Variants in NTN1 observed in about 807,000 individuals in gnomAD.
NTN1 encodes netrin 1, also known as netrin-1.
In NTN1, 11 loss-of-function variants were observed where a neutral mutation model predicts 54.2. That is an observed-to-expected ratio of 0.20 (90% CI 0.13 to 0.34). NTN1 has a LOEUF of 0.34. Ranked by LOEUF, NTN1 falls within the 10% of genes least tolerant of loss-of-function variation. The pLI is 1.00. For synonymous variants in NTN1, 371 were observed against 382.0 expected, an observed-to-expected ratio of 0.97 and a Z score of 0.33; for missense variants, 740 against 893.1, an observed-to-expected ratio of 0.83 and a Z score of 2.18.
chr17:9,096,619 C>T (rs1434108944), intron 2 of NTN1, among the ~76,000 whole-genome samples: 1 of 152,120 alleles, frequency 6.6e-6, no homozygotes, highest in Non-Finnish European at 1.5e-5. Flanking sequence ...GATCCACCCG[C>T]CTCCACTTCC....
chr17:9,021,473 G>C (rs1375985159), upstream of NTN1: 4 of 149,864 alleles, frequency 2.7e-5, no homozygotes, highest in Non-Finnish European at 5.9e-5. Context: ...CCGCCCGGCG[G>C]CCCCGCCCCC....
chr17:9,175,842 G>C (rs891897085), intron 3 of NTN1: 1 of 152,186 alleles, frequency 6.6e-6, no homozygotes, highest in South Asian at 2.1e-4. Context: ...CTTCCGTCTG[G>C]CCTCACCTTT....
chr17:9,091,389 G>A (rs1336280823), intron 2 of NTN1, among the ~76,000 whole-genome samples: 1 of 151,202 alleles, frequency 6.6e-6, no homozygotes, highest in Non-Finnish European at 1.5e-5. Context: ...CCAGTAGCTG[G>A]AACTACAGGC....
intron 2 of NTN1, among the ~76,000 whole-genome samples, chr17:9,096,788 T>C (rs965280935): frequency 6.6e-6 from 1 of 152,242 alleles, no homozygotes; most frequent in Admixed American, 6.5e-5. Flanking sequence ...GTAGGGATGA[T>C]AATAGCAGGC....
At chr17:9,050,857 G>A (rs1303948325) in intron 2 of NTN1, among the ~76,000 whole-genome samples, 1 of 152,042 alleles carries the variant, frequency 6.6e-6, no homozygotes, top group African/African-American at 2.4e-5. Context: ...GCCTTACCAG[G>A]TGCTCAGGAA....
At chr17:9,067,927 G>A (rs973290619) in intron 2 of NTN1, among the ~76,000 whole-genome samples, 1 of 152,132 alleles carries the variant, frequency 6.6e-6, no homozygotes, top group Non-Finnish European at 1.5e-5. Context: ...AGATTGTATT[G>A]AAGATATCAT....
chr17:9,226,205 T>G, intron 6 of NTN1, among the ~76,000 whole-genome samples: 1 of 149,176 alleles, frequency 6.7e-6, no homozygotes, highest in African/African-American at 2.5e-5. Flanking sequence ...GCCACTCATA[T>G]CGGAGGGACC....
intron 6 of NTN1, among the ~76,000 whole-genome samples, chr17:9,237,501 T>G (rs1260201552): frequency 1.3e-5 from 2 of 152,174 alleles, no homozygotes; most frequent in Admixed American, 6.5e-5. Context: ...GGGACACCAT[T>G]CAGCACACAG....
chr17:9,158,555 G>A (rs1018073901), intron 2 of NTN1, among the ~76,000 whole-genome samples: 38 of 152,196 alleles, frequency 2.5e-4, no homozygotes, highest in African/African-American at 8.7e-4. Flanking sequence ...TAGGCCAGCT[G>A]TTACTTCCAG....
chr17:9,070,144 T>C (rs907756752), intron 2 of NTN1, among the ~76,000 whole-genome samples: 10 of 152,244 alleles, frequency 6.6e-5, no homozygotes, highest in Non-Finnish European at 1.5e-5. Context: ...ATCAACTCTG[T>C]GACCTTGGGC....
chr17:9,080,004 G>A lies in NTN1; in HGVS notation c.1018+56613G>A, dbSNP rs986906911. Among the ~76,000 whole-genome samples, 3 of 149,444 alleles carry A rather than the reference G, an allele frequency of 2.0e-5. No homozygotes were observed. The East Asian group carries it at 5.9e-4, about 30-fold the overall frequency. ...TGGCCCCCGAGGAAGTGGTTCCCATGAGGACGTGTTTCCCCAGCAGGCCTG... is the reference window on the plus strand; with the variant it reads ...TGGCCCCCGAGGAAGTGGTTCCCATAAGGACGTGTTTCCCCAGCAGGCCTG... On this transcript the variant is annotated intron_variant, in intron 2 of 6. Coordinates refer to ENST00000173229, the MANE Select transcript of NTN1 (RefSeq NM_004822.3).
chr17:9,130,216 G>A (rs1401389987), intron 2 of NTN1, among the ~76,000 whole-genome samples: 2 of 152,144 alleles, frequency 1.3e-5, no homozygotes, highest in Admixed American at 1.3e-4. Context: ...AGGGAGCAGG[G>A]CAGATTCTTT....
intron 6 of NTN1, among the ~76,000 whole-genome samples, chr17:9,232,520 T>G (rs1905847719): frequency 6.6e-6 from 1 of 152,034 alleles, no homozygotes; most frequent in Non-Finnish European, 1.5e-5. Context: ...AGAGAGAGGG[T>G]CATCCTGTTC....
intron 2 of NTN1, among the ~76,000 whole-genome samples, chr17:9,046,522 C>T (rs138828398): frequency 9.8e-5 from 15 of 152,302 alleles, no homozygotes; most frequent in Non-Finnish European, 1.3e-4. Flanking sequence ...CATGGTGGCT[C>T]ATGCCTACGA....
chr17:9,185,679 C>A lies in NTN1; in HGVS notation c.1411+2710C>A, dbSNP rs150314597. Among the ~76,000 whole-genome samples, 276 of 152,202 alleles carry A rather than the reference C, an allele frequency of 1.8e-3. 4 individuals carry two copies. The East Asian group carries it at 0.046, about 25-fold the overall frequency. On this transcript the variant is annotated intron_variant, in intron 5 of 6. Transcript: ENST00000173229. ...AAAAAGGGCATGGTACCCAAGGCTCCCCTGGCACTCACCTACTTGTTGGTT... is the reference window on the plus strand; with the variant it reads ...AAAAAGGGCATGGTACCCAAGGCTCACCTGGCACTCACCTACTTGTTGGTT...
At chr17:9,207,323 G>A (rs1183471182) in intron 5 of NTN1, among the ~76,000 whole-genome samples, 1 of 152,206 alleles carries the variant, frequency 6.6e-6, no homozygotes, top group Admixed American at 6.5e-5. Flanking sequence ...ACTTGAGTGA[G>A]AAATATCTTT....
chr17:9,203,723 A>C (rs1194916335), intron 5 of NTN1, among the ~76,000 whole-genome samples: 5 of 152,136 alleles, frequency 3.3e-5, no homozygotes. Context: ...GAATCACTTG[A>C]ACCCGGGAGG....
chr17:9,113,266 C>T (rs944587354), intron 2 of NTN1, among the ~76,000 whole-genome samples: 1 of 152,012 alleles, frequency 6.6e-6, no homozygotes, highest in Non-Finnish European at 1.5e-5. Flanking sequence ...TCGTGATCCA[C>T]CCACCTCAGC....
At chr17:9,032,514 T>C (rs1042152306) in intron 2 of NTN1, among the ~76,000 whole-genome samples, 2 of 152,222 alleles carry the variant, frequency 1.3e-5, no homozygotes, top group African/African-American at 2.4e-5. Flanking sequence ...ACCACATCTG[T>C]GTGGTATTGA....
Sources: gnomAD v4.1 joint callset for allele counts (sites outside exome capture counted in the v4.1 genomes callset) on GRCh38, gnomAD v4.1.1 for gene constraint, MANE v1.5 for transcripts, NCBI Gene and HGNC (gene_info 2026-07-23, HGNC 2026-07-21) for gene names.